The following MBTPS2 variants were observed in gnomAD, a reference collection of about 807,000 sequenced individuals.
MBTPS2 encodes the protein membrane-bound transcription factor site-2 protease.
Under a neutral mutation model 35.4 loss-of-function variants are expected in MBTPS2, and 2 were observed. The observed-to-expected ratio is 0.06, with a 90% confidence interval of 0.02 to 0.18. MBTPS2 has a LOEUF of 0.18. Ranked by LOEUF, MBTPS2 falls within the 10% of genes least tolerant of loss-of-function variation. The pLI is 1.00. For synonymous variants in MBTPS2, 125 were observed against 140.4 expected (o/e 0.89, Z 0.77); for missense variants, 244 against 386.5 (o/e 0.63, Z 3.09).
intron 5 of MBTPS2, among the ~76,000 whole-genome samples, chrX:21,864,610 T>A (rs1006476878): frequency 2.7e-5 from 3 of 110,788 alleles, no homozygotes; most frequent in Admixed American, 9.6e-5. Flanking sequence ...TTACTTGAGC[T>A]CAGAAGTTTG....
rs764766611 is a variant in MBTPS2, at chrX:21,874,236, G to T, written c.971-3806G>T. Among the ~76,000 whole-genome samples the T allele has an allele frequency of 1.3e-3, 141 of 106,591 alleles. 1 individual carries two copies. Among genetic ancestry groups the T allele is most frequent in the Non-Finnish European group, 2.2e-3 (115 of 51,934 alleles). 92.6% of individuals were successfully genotyped at this position (106,591 alleles called of 115,157 possible). On this transcript the variant is annotated intron_variant, in intron 7 of 10. Coordinates refer to ENST00000379484, the MANE Select transcript of MBTPS2 (RefSeq NM_015884.4). The stretch of plus-strand genomic sequence containing the variant: ...GACAGGGTTTCACCATGTTGGCCAG[G>T]CTGTTCTCAAACTCCTGACCTCAGG...
At chrX:21,867,016 CAAA>C (rs760076000) in intron 5 of MBTPS2, among the ~76,000 whole-genome samples, 3 of 57,230 alleles carry the variant, frequency 5.2e-5, no homozygotes, top group African/African-American at 6.0e-5. Context: ...GACTCTGTCT[CAAA>C]AAAAAAAAAA....
intron 5 of MBTPS2, chrX:21,856,907 C>G: frequency 8.3e-7 from 1 of 1,211,844 alleles, no homozygotes; most frequent in Non-Finnish European, 1.1e-6. Flanking sequence ...GCAAAAAGCC[C>G]AGCAAAAAGC....
chrX:21,856,508 C>T lies in MBTPS2; in HGVS notation c.670+3005C>T, dbSNP rs151018360. The T allele has an allele frequency of 1.1e-3, 1,307 of 1,207,388 alleles. 8 individuals carry two copies. In the Middle Eastern group the frequency reaches 0.04, roughly 37 times the overall value. The stretch of plus-strand genomic sequence containing the variant: ...CCATGGCCTCCAACGAAGATTTCTC[C>T]ATCACACAAGACCTGGAGATCCCGG... On this transcript the variant is annotated intron_variant, in intron 5 of 10. Coordinates refer to ENST00000379484, the MANE Select transcript of MBTPS2 (RefSeq NM_015884.4).
intron 5 of MBTPS2, among the ~76,000 whole-genome samples, chrX:21,863,246 C>T (rs774751379): frequency 1.2e-5 from 1 of 83,684 alleles, no homozygotes; most frequent in East Asian, 3.8e-4. Context: ...CCAGCCTGGG[C>T]GACAGTGAGA....
intron 5 of MBTPS2, chrX:21,856,177 G>A (rs1024443189): frequency 6.7e-6 from 2 of 297,384 alleles, no homozygotes; most frequent in East Asian, 5.3e-5. Context: ...ACGCGGGCAC[G>A]TGCACGTGCT....
At chrX:21,851,934 A>G (rs1347471355) in intron 4 of MBTPS2, among the ~76,000 whole-genome samples, 1 of 111,915 alleles carries the variant, frequency 8.9e-6, no homozygotes, top group East Asian at 2.8e-4. Flanking sequence ...CTGTTCATCG[A>G]GTCAGAATGA....
rs184109829 is a variant in MBTPS2 at position 21,868,535 on chromosome X, T to G, written c.739T>G (p.Leu247Val). 7.4e-6 allele frequency: 9 copies of G among 1,208,596 alleles called. No homozygotes were observed. In the Admixed American group the frequency reaches 1.3e-4, roughly 18 times the overall value. ...LALVLLPVIL[L>V]PFYYTGVGVL... is the part of the protein sequence containing the mutation. ...TCTTGTTCTCCTCCCAGTAATTCTC[T>G]TGCCATTTTACTACACTGGAGTTGG... The change falls in exon 6 of 11, where the codon TTG becomes GTG. Residue 247 changes from leucine to valine, a missense_variant. Leu to Val is a conservative substitution (Grantham distance 32). Transcript: ENST00000379484.
Position 21,885,092 on chromosome X carries a change from A to G in MBTPS2, c.*2437A>G, listed in dbSNP as rs2092963280. ...TGACAGTTTTTTTTAATCACCTACAATCTGTAAAGAATGTATATATTCTTT... is the reference window on the plus strand; with the variant it reads ...TGACAGTTTTTTTTAATCACCTACAGTCTGTAAAGAATGTATATATTCTTT... On this transcript the variant is annotated 3_prime_UTR_variant, in exon 11 of 11. Coordinates refer to ENST00000379484, the MANE Select transcript of MBTPS2 (RefSeq NM_015884.4). The G allele has an allele frequency of 1.3e-6, 1 of 745,673 alleles. No individual in the cohort carries two copies. Among genetic ancestry groups the G allele is most frequent in the Non-Finnish European group, 1.6e-6 (1 of 631,389 alleles). 61.5% of individuals were successfully genotyped at this position (745,673 alleles called of 1,213,427 possible).
At chrX:21,856,182 C>G (rs1207569161) in intron 5 of MBTPS2, 1 of 302,975 alleles carries the variant, frequency 3.3e-6, no homozygotes, top group Non-Finnish European at 5.8e-6. Flanking sequence ...GGCACGTGCA[C>G]GTGCTTTTGG....
chrX:21,857,745 T>TA (rs1802834262), intron 5 of MBTPS2: 2 of 693,292 alleles, frequency 2.9e-6, no homozygotes, highest in Non-Finnish European at 4.2e-6. Context: ...CGTGTTTTGT[T>TA]AGAGTAGTAA....
chrX:21,877,506 C>T (rs1183887960), intron 7 of MBTPS2, among the ~76,000 whole-genome samples: 1 of 111,768 alleles, frequency 8.9e-6, no homozygotes, highest in African/African-American at 3.3e-5. Flanking sequence ...AACTGGATTA[C>T]TGGTGTACAG....
rs529336089 is a variant in MBTPS2, at chrX:21,884,631, T to C, written c.*1976T>C. On this transcript the variant is annotated 3_prime_UTR_variant, in exon 11 of 11. Transcript: ENST00000379484. ...TACCATTTGTATAAAACCGGCCTCA[T>C]TATGTAAGAAAGAAAATGTTACGTG... 3.6e-5 allele frequency: 27 copies of C among 752,057 alleles called. No individual in the cohort carries two copies. Among genetic ancestry groups the C allele is most frequent in the African/African-American group, 3.0e-4 (13 of 43,299 alleles). The allele number at this position is 752,057 out of a possible 1,213,427, so 62.0% of individuals were successfully genotyped here.
In MBTPS2 at chrX:21,845,186, G is replaced by A; in HGVS notation, c.240G>A (p.Met80Ile). 1 of 1,209,612 alleles carries A rather than the reference G, an allele frequency of 8.3e-7. No homozygotes were observed. ...RMLYQWFNFG[M>I]VFGVIAMFSS... ...CTTTTGACAGGTTCAATTTTGGAAT[G>A]GTGTTTGGCGTAATTGCCATGTTTA... The change falls in exon 3 of 11, where the codon ATG becomes ATA. Residue 80 changes from methionine (M) to isoleucine (I), a missense_variant. Coordinates refer to ENST00000379484, the MANE Select transcript of MBTPS2 (RefSeq NM_015884.4).
intron 7 of MBTPS2, chrX:21,870,409 A>G (rs972777667): frequency 1.3e-4 from 15 of 111,670 alleles, no homozygotes; most frequent in Admixed American, 3.8e-4. Context: ...AGCTTATGTC[A>G]GAACAGATAA....
chrX:21,860,109 G>A (rs980496148), intron 5 of MBTPS2, among the ~76,000 whole-genome samples: 1 of 102,855 alleles, frequency 9.7e-6, no homozygotes, highest in Non-Finnish European at 2.0e-5. Flanking sequence ...AAAAAAAAAA[G>A]AGAAAAAGGG....
intron 3 of MBTPS2, among the ~76,000 whole-genome samples, chrX:21,847,157 T>C (rs1287907642): frequency 8.9e-6 from 1 of 111,794 alleles, no homozygotes; most frequent in Non-Finnish European, 1.9e-5. Context: ...GATCACTGGC[T>C]TATCTGCCTG....
At chrX:21,850,026 CA>C (rs757928757) in intron 3 of MBTPS2, among the ~76,000 whole-genome samples, 1,389 of 27,396 alleles carry the variant, frequency 0.051, 6 homozygotes, top group Non-Finnish European at 0.071. Context: ...GACTCCGTCT[CA>C]AAAAAAAAAA....
chrX:21,868,119 A>G (rs757675595), intron 5 of MBTPS2, among the ~76,000 whole-genome samples: 35 of 111,523 alleles, frequency 3.1e-4, no homozygotes, highest in African/African-American at 1.1e-3. Context: ...TTGAATGTAT[A>G]TGAGGTTTCT....
Sources: gnomAD v4.1 joint callset for allele counts (sites outside exome capture counted in the v4.1 genomes callset) on GRCh38, gnomAD v4.1.1 for gene constraint, MANE v1.5 for transcripts, NCBI Gene and HGNC (gene_info 2026-07-23, HGNC 2026-07-21) for gene names.